MPHOSPH6: variants seen among roughly 807,000 people sequenced by gnomAD.
MPHOSPH6 encodes M-phase phosphoprotein 6.
MPHOSPH6 carries 25 observed loss-of-function variants against 21.8 expected under a neutral mutation model. That is an observed-to-expected ratio of 1.15 (90% CI 0.83 to 1.60). The LOEUF (loss-of-function observed/expected upper bound fraction) is 1.60. Among genes scored for constraint, MPHOSPH6 ranks in the 40% most tolerant of loss-of-function variants. MPHOSPH6 has a pLI of 0.00. For missense variants in MPHOSPH6, 269 were observed against 181.8 expected (o/e 1.48, Z -2.76); for synonymous variants, 84 against 56.5 (o/e 1.49, Z -2.18).
chr16:82,170,147 G>T lies in MPHOSPH6; in HGVS notation c.29C>A (p.Ser10Tyr), dbSNP rs1184382303. 1.3e-6 allele frequency: 2 copies of T among 1,596,344 alleles called. No individual in the cohort carries two copies. The highest frequency in any genetic ancestry group is 1.7e-5 in the Admixed American group (1 of 58,224). Residue 10 changes from serine (S) to tyrosine (Y), a missense_variant, in exon 1 of 5, where the codon TCC becomes TAC. Coordinates refer to ENST00000258169, the MANE Select transcript of MPHOSPH6 (RefSeq NM_005792.2). Reference sequence around the variant, plus strand: ...CACCTTCATGCGCAGTAGATTCTTGGACAACCTTGTCTTTCGCTCGGCCGC... The same window carrying T: ...CACCTTCATGCGCAGTAGATTCTTGTACAACCTTGTCTTTCGCTCGGCCGC... MAAERKTRLSKNLLRMKFMQ... is the reference protein window; with the variant it reads MAAERKTRLYKNLLRMKFMQ...
intron 2 of MPHOSPH6, among the ~76,000 whole-genome samples, chr16:82,159,146 T>G (rs1420408652): frequency 6.6e-6 from 1 of 152,248 alleles, no homozygotes; most frequent in Admixed American, 6.5e-5. Context: ...CTTTATATAC[T>G]TCAACCAATA....
chr16:82,155,171 GA>G (rs1906389743), intron 2 of MPHOSPH6, among the ~76,000 whole-genome samples: 1 of 152,094 alleles, frequency 6.6e-6, no homozygotes, highest in Non-Finnish European at 1.5e-5. Flanking sequence ...AGCAAACTAC[GA>G]AAATAAAGGA....
At chr16:82,165,526 T>C (rs1448355888) in intron 1 of MPHOSPH6, among the ~76,000 whole-genome samples, 1 of 152,164 alleles carries the variant, frequency 6.6e-6, no homozygotes, top group African/African-American at 2.4e-5. Flanking sequence ...GAAAAAACCT[T>C]AACGTTCACG....
Position 82,148,496 on chromosome 16 carries a change from CA to C in MPHOSPH6, c.*234del, listed in dbSNP as rs1400778854. ...AAATCTTTAGGAAGCAGCCCTGTAA[CA>C]ATGTACATTTGTAGATCAGGGGCTA... is the stretch of plus-strand genomic sequence containing the variant. On this transcript the variant is annotated 3_prime_UTR_variant, in exon 5 of 5. Transcript: ENST00000258169. 1.2e-5 allele frequency: 5 copies of C among 426,626 alleles called. No homozygotes were observed. The highest frequency in any genetic ancestry group is 2.0e-5 in the Non-Finnish European group (5 of 250,594). 26.4% of individuals were successfully genotyped at this position (426,626 alleles called of 1,614,324 possible).
intron 2 of MPHOSPH6, among the ~76,000 whole-genome samples, chr16:82,155,519 CACA>C (rs1031193666): frequency 6.6e-4 from 100 of 152,284 alleles, no homozygotes; most frequent in African/African-American, 2.2e-3. Context: ...CATACATACA[CACA>C]ACAAATAAGT....
intron 2 of MPHOSPH6, among the ~76,000 whole-genome samples, chr16:82,157,993 A>G (rs1394991897): frequency 6.6e-6 from 1 of 152,182 alleles, no homozygotes; most frequent in Admixed American, 6.5e-5. Flanking sequence ...GGTAAAACGA[A>G]TCTTAGCATG....
intron 4 of MPHOSPH6, among the ~76,000 whole-genome samples, 198 bp downstream of exon 4, chr16:82,149,111 C>T (rs1186652701): frequency 6.6e-6 from 1 of 152,208 alleles, no homozygotes; most frequent in East Asian, 1.9e-4. Context: ...TCCAGCAGCT[C>T]TGGAAATGGG....
intron 1 of MPHOSPH6, among the ~76,000 whole-genome samples, chr16:82,165,222 G>A (rs1906734902): frequency 6.8e-6 from 1 of 147,310 alleles, no homozygotes; most frequent in Admixed American, 7.0e-5. Flanking sequence ...CTGCCTCCTA[G>A]GTTCAAGAGG....
At chr16:82,160,761 G>A (rs1906582023) in intron 2 of MPHOSPH6, among the ~76,000 whole-genome samples, 1 of 152,152 alleles carries the variant, frequency 6.6e-6, no homozygotes, top group Non-Finnish European at 1.5e-5. Context: ...TGTGCTGCTT[G>A]CTGTACAGTA....
intron 2 of MPHOSPH6, among the ~76,000 whole-genome samples, chr16:82,161,678 G>T (rs937480378): frequency 6.6e-6 from 1 of 152,198 alleles, no homozygotes; most frequent in Non-Finnish European, 1.5e-5. Flanking sequence ...GAGAAAGAAG[G>T]ATTGGGCAGA....
At chr16:82,162,964 C>CCT (rs10650605) in intron 2 of MPHOSPH6, among the ~76,000 whole-genome samples, 48,885 of 151,884 alleles carry the variant, frequency 0.32, 10,553 homozygotes, top group African/African-American at 0.58. Context: ...AATTATAGCT[C>CCT]CAGCAGCAAA....
chr16:82,163,280 C>T (rs369789682), intron 2 of MPHOSPH6, among the ~76,000 whole-genome samples: 1 of 152,200 alleles, frequency 6.6e-6, no homozygotes, highest in South Asian at 2.1e-4. Flanking sequence ...GTAAAACTAC[C>T]ATACAACAGA....
chr16:82,160,758 C>G (rs1483458270), intron 2 of MPHOSPH6, among the ~76,000 whole-genome samples: 2 of 152,142 alleles, frequency 1.3e-5, no homozygotes, highest in Admixed American at 1.3e-4. Flanking sequence ...GCTTGTGCTG[C>G]TTGCTGTACA....
At chr16:82,158,826 G>A (rs746554658) in intron 2 of MPHOSPH6, among the ~76,000 whole-genome samples, 3 of 152,144 alleles carry the variant, frequency 2.0e-5, no homozygotes, top group Admixed American at 6.5e-5. Context: ...TGAAACCCAC[G>A]GTGATACTAA....
chr16:82,152,536 G>T (rs556465871), intron 2 of MPHOSPH6, among the ~76,000 whole-genome samples: 1 of 152,284 alleles, frequency 6.6e-6, no homozygotes, highest in East Asian at 1.9e-4. Flanking sequence ...CAGCTGTACT[G>T]GGCATCTCAG....
intron 2 of MPHOSPH6, among the ~76,000 whole-genome samples, chr16:82,156,937 C>T (rs113756285): frequency 2.5e-3 from 384 of 152,230 alleles, no homozygotes; most frequent in African/African-American, 8.9e-3. Flanking sequence ...CCTGTAATCC[C>T]AGCTACTCCG....
chr16:82,165,856 C>T (rs62044258), intron 1 of MPHOSPH6, among the ~76,000 whole-genome samples: 99,157 of 152,102 alleles, frequency 0.65, 34,436 homozygotes, highest in East Asian at 0.78. Flanking sequence ...TGTTTCAGAA[C>T]GTATCCCTGT....
Position 82,149,457 on chromosome 16 carries a change from C to G in MPHOSPH6, c.256-54G>C, listed in dbSNP as rs1284206111. ...GGCTAGAAAACGCTTGTGAAAGGAA[C>G]TGATGTCAAACTTACCTGAAGGCAG... is the stretch of plus-strand genomic sequence containing the variant. On this transcript the variant is annotated intron_variant, in intron 3 of 4. Coordinates refer to ENST00000258169, the MANE Select transcript of MPHOSPH6 (RefSeq NM_005792.2). The G allele has an allele frequency of 2.6e-6, 4 of 1,514,604 alleles. No individual in the cohort carries two copies. In the African/African-American group the frequency reaches 4.1e-5, roughly 16 times the overall value. 93.8% of individuals were successfully genotyped at this position (1,514,604 alleles called of 1,614,324 possible).
At chr16:82,148,922 T>A in intron 4 of MPHOSPH6, 59 bp from the exon 5 acceptor site, 2 of 1,578,046 alleles carry the variant, frequency 1.3e-6, no homozygotes, top group Non-Finnish European at 1.7e-6. Flanking sequence ...GGATCAAGCC[T>A]TGTCAAGAAT....
Sources: allele counts gnomAD v4.1 joint callset (sites outside exome capture counted in the v4.1 genomes callset), GRCh38; gene constraint gnomAD v4.1.1; transcripts MANE v1.5; gene names NCBI Gene and HGNC (gene_info 2026-07-23, HGNC 2026-07-21).